Variants in CTAG2 observed in about 807,000 individuals in gnomAD.
CTAG2 encodes CTL-recognized antigen on melanoma.
CTAG2 carries 5 observed loss-of-function variants against 5.7 expected under a neutral mutation model. The ratio of observed to expected loss-of-function variants is 0.88; its 90% CI spans 0.46 to 1.85. The LOEUF (loss-of-function observed/expected upper bound fraction) is 1.85. Among genes scored for constraint, CTAG2 ranks in the 40% most tolerant of loss-of-function variants. CTAG2 has a pLI of 0.01. For synonymous variants in CTAG2, 63 were observed against 80.9 expected, an observed-to-expected ratio of 0.78 and a Z score of 1.19; for missense variants, 151 against 169.9, an observed-to-expected ratio of 0.89 and a Z score of 0.62.
chrX:154,652,266 G>A lies in CTAG2; in HGVS notation c.406C>T (p.Arg136Ter), dbSNP rs781826758. The A allele has an allele frequency of 1.2e-5, 14 of 1,210,757 alleles. No homozygotes were observed. The African/African-American group carries it at 1.6e-4, about 14-fold the overall frequency. ...TGGCGGTGGTCTGCAGCAGTCAGTC[G>A]GCTAAATGTGAGGGGCAGAGAACAT... ...FTVSGNLLFI[R>*]LTAADHRQLQ... is the part of the protein sequence containing the mutation. The change falls in exon 3 of 3, where the codon CGA becomes TGA. Residue 136 changes from arginine (R) to a stop codon, truncating the protein, a stop_gained and splice_region_variant. Transcript: ENST00000369585. LOFTEE classifies it low-confidence loss of function (END_TRUNC).
Position 154,652,611 on chromosome X carries a change from G to A in CTAG2, c.290C>T (p.Ser97Leu). ...GACCAGCTCCGCTTCCATGGGCGACGAGAAAGGCATCGTGATGTGCCTGGT... is the reference window on the plus strand; with the variant it reads ...GACCAGCTCCGCTTCCATGGGCGACAAGAAAGGCATCGTGATGTGCCTGGT... Reference protein sequence around the residue: ...LLELHITMPFSSPMEAELVRR... With the variant: ...LLELHITMPFLSPMEAELVRR... The change falls in exon 2 of 3, where the codon TCG becomes TTG. Residue 97 changes from serine (S) to leucine (L), a missense_variant. Physicochemically the swap from Ser to Leu is moderately radical, Grantham distance 145. This residue lies in a region of CTAG2 where 147 missense variants were observed against 151.0 expected (regional missense o/e 0.97). Coordinates refer to ENST00000369585, the MANE Select transcript of CTAG2 (RefSeq NM_172377.5). The A allele has an allele frequency of 2.5e-6, 3 of 1,201,634 alleles. No homozygotes were observed. The highest frequency in any genetic ancestry group is 3.5e-5 in the African/African-American group (2 of 57,641).
chrX:154,653,076 A>G (rs868920470), intron 1 of CTAG2, among the ~76,000 whole-genome samples, 171 bp downstream of exon 1: 1 of 6,288 alleles, frequency 1.6e-4, no homozygotes, highest in African/African-American at 8.0e-4. Context: ...CCCAGCCCCC[A>G]CCCCCACCCC....
Position 154,653,324 on chromosome X carries a change from C to A in CTAG2, c.192G>T (p.Pro64=). ...CCTGCGCAGAAGCGGCACCGCCATGCGGACCCCGCGGGGCGCCTCCTCTCG... is the reference window on the plus strand; with the variant it reads ...CCTGCGCAGAAGCGGCACCGCCATGAGGACCCCGCGGGGCGCCTCCTCTCG... The part of the protein sequence containing the change: ...SGPRGGAPRG[P]HGGAASAQDG... Residue 64 remains proline, a synonymous_variant, in exon 1 of 3, where the codon CCG becomes CCT. Coordinates refer to ENST00000369585, the MANE Select transcript of CTAG2 (RefSeq NM_172377.5). The A allele has an allele frequency of 8.3e-7, 1 of 1,206,725 alleles. No individual in the cohort carries two copies.
intron 1 of CTAG2, among the ~76,000 whole-genome samples, chrX:154,652,846 C>T (rs1416829005): frequency 9.3e-6 from 1 of 107,404 alleles, no homozygotes; most frequent in Non-Finnish European, 1.9e-5. Context: ...GCCGGGACCT[C>T]TCCCCATCGC....
intron 1 of CTAG2, 97 bp from the exon 2 acceptor site, chrX:154,652,728 C>T: frequency 2.1e-6 from 2 of 959,421 alleles, no homozygotes; most frequent in Non-Finnish European, 2.8e-6. Context: ...CCAGGTCCTG[C>T]AGCAACCCCA....
intron 2 of CTAG2, 39 bp from the exon 3 acceptor site, chrX:154,652,306 C>A: frequency 8.3e-7 from 1 of 1,210,913 alleles, no homozygotes; most frequent in South Asian, 1.8e-5. Context: ...TTAAAGGCGA[C>A]ACCTCTGCAC....
chrX:154,653,203 C>A lies in CTAG2; in HGVS notation c.269+44G>T, dbSNP rs782241248. ...CCTGTTGTCTCCGTCTCACGGCCCC[C>A]ACCTCGCCACCAGAACCTCCTAGAA... On this transcript the variant is annotated intron_variant, in intron 1 of 2. Transcript: ENST00000369585. 4 of 1,186,721 alleles carry A rather than the reference C, an allele frequency of 3.4e-6. No individual in the cohort carries two copies. In the East Asian group the frequency reaches 1.2e-4, roughly 36 times the overall value.
In CTAG2 at chrX:154,653,289, C is replaced by G; in HGVS notation, c.227G>C (p.Cys76Ser). 2 of 1,209,324 alleles carry G rather than the reference C, an allele frequency of 1.7e-6. No homozygotes were observed. Among genetic ancestry groups the G allele is most frequent in the Non-Finnish European group, 2.2e-6 (2 of 894,493 alleles). ...GTCCGGCCTCCTGGCCCCGCAGGGGCACCTTCCATCCTGCGCAGAAGCGGC... is the reference window on the plus strand; with the variant it reads ...GTCCGGCCTCCTGGCCCCGCAGGGGGACCTTCCATCCTGCGCAGAAGCGGC... ...GGAASAQDGR[C>S]PCGARRPDSR... is the part of the protein sequence containing the mutation. Residue 76 changes from cysteine to serine, a missense_variant, in exon 1 of 3, where the codon TGC becomes TCC. Physicochemically the swap from Cys to Ser is moderately radical, Grantham distance 112. Transcript: ENST00000369585.
chrX:154,653,567 A>C lies in CTAG2; in HGVS notation c.-52T>G, dbSNP rs2070176876. 2.3e-6 allele frequency: 2 copies of C among 888,185 alleles called. No homozygotes were observed. Among genetic ancestry groups the C allele is most frequent in the African/African-American group, 4.6e-5 (2 of 43,671 alleles). The allele number at this position is 888,185 out of a possible 1,213,427, so 73.2% of individuals were successfully genotyped here. On this transcript the variant is annotated 5_prime_UTR_variant, in exon 1 of 3. Transcript: ENST00000369585. ...AGAGAGAAGGTCAGGGCCCACGAGGATGCGGAGGCAGAGAGGCTGCAGGAA... is the reference window on the plus strand; with the variant it reads ...AGAGAGAAGGTCAGGGCCCACGAGGCTGCGGAGGCAGAGAGGCTGCAGGAA...
In CTAG2 at chrX:154,653,268, G is replaced by A. The variant is rs1176832152; in HGVS notation, c.248C>T (p.Pro83Leu). 8.3e-7 allele frequency: 1 copy of A among 1,208,806 alleles called. No individual in the cohort carries two copies. The highest frequency in any genetic ancestry group is 1.1e-6 in the Non-Finnish European group (1 of 894,375). ...ATACAACTCAAGCAGGCGGCTGTCC[G>A]GCCTCCTGGCCCCGCAGGGGCACCT... is the stretch of plus-strand genomic sequence containing the variant. ...DGRCPCGARR[P>L]DSRLLELHIT... Residue 83 changes from proline (P) to leucine (L), a missense_variant, in exon 1 of 3, where the codon CCG becomes CTG. By Grantham distance (98) the Pro-to-Leu change is moderately conservative (BLOSUM62 -3). This residue lies in a region of CTAG2 where 147 missense variants were observed against 151.0 expected (regional missense o/e 0.97). Coordinates refer to ENST00000369585, the MANE Select transcript of CTAG2 (RefSeq NM_172377.5).
chrX:154,652,579 T>A lies in CTAG2; in HGVS notation c.322A>T (p.Ile108Phe), dbSNP rs1557241535. ...AGCGGTGCGGCATCCCGGGACAGGA[T>A]CCTGCGGACCAGCTCCGCTTCCATG... ...SPMEAELVRR[I>F]LSRDAAPLPR... The change falls in exon 2 of 3, where the codon ATC becomes TTC. Residue 108 changes from isoleucine (I) to phenylalanine (F), a missense_variant. By Grantham distance (21) the Ile-to-Phe change is conservative (BLOSUM62 0). This residue lies in a region of CTAG2 where 147 missense variants were observed against 151.0 expected (regional missense o/e 0.97). Transcript: ENST00000369585. 3.3e-6 allele frequency: 4 copies of A among 1,209,250 alleles called. No individual in the cohort carries two copies. Among genetic ancestry groups the A allele is most frequent in the African/African-American group, 1.7e-5 (1 of 57,657 alleles).
Position 154,653,224 on chromosome X carries a change from T to TAGAAC in CTAG2, c.269+18_269+22dup, listed in dbSNP as rs781965140. On this transcript the variant is annotated intron_variant, in intron 1 of 2. Transcript: ENST00000369585. Reference sequence around the variant, plus strand: ...CCCCCACCTCGCCACCAGAACCTCCTAGAACAGAACAGAACAGGATACAAC... The same window carrying TAGAAC: ...CCCCCACCTCGCCACCAGAACCTCCTAGAACAGAACAGAACAGAACAGGATACAAC... 5.2e-5 allele frequency: 62 copies of TAGAAC among 1,197,324 alleles called. No homozygotes were observed. In the Admixed American group the frequency reaches 7.2e-4, roughly 14 times the overall value.
chrX:154,653,219 C>A, intron 1 of CTAG2, 28 bp downstream of exon 1: 2 of 1,191,825 alleles, frequency 1.7e-6, no homozygotes, highest in Admixed American at 2.3e-5. Context: ...GCCACCAGAA[C>A]CTCCTAGAAC....
Position 154,652,070 on chromosome X carries a change from G to C in CTAG2, c.*59C>G. On this transcript the variant is annotated 3_prime_UTR_variant, in exon 3 of 3. Transcript: ENST00000369585. ...GGCCCCCACAATGAACTGGCCACTC[G>C]TGCTGGGACCATTCCCTAGGGGAGG... 1 of 1,187,415 alleles carries C rather than the reference G, an allele frequency of 8.4e-7. No individual in the cohort carries two copies.
chrX:154,652,993 C>T (rs2070167033), intron 1 of CTAG2, among the ~76,000 whole-genome samples: 1 of 105,945 alleles, frequency 9.4e-6, no homozygotes. Context: ...CGCCCAGCAC[C>T]CAACTGTGCA....
intron 1 of CTAG2, among the ~76,000 whole-genome samples, 156 bp downstream of exon 1, chrX:154,653,091 G>A (rs868922993): frequency 1.8e-4 from 1 of 5,462 alleles, no homozygotes; most frequent in Non-Finnish European, 3.6e-4. Flanking sequence ...CACCCCACCC[G>A]GCGCCTTACC....
At chrX:154,653,190 G>A (rs1403367702) in intron 1 of CTAG2, 57 bp downstream of exon 1, 30 of 1,161,560 alleles carry the variant, frequency 2.6e-5, no homozygotes, top group African/African-American at 9.4e-5. Context: ...TGTTGTCTCC[G>A]TCTCACGGCC....
rs2070153727 is a variant in CTAG2, at chrX:154,652,012, T to C, written c.*117A>G. The C allele has an allele frequency of 9.2e-6, 10 of 1,085,270 alleles. No individual in the cohort carries two copies. The highest frequency in any genetic ancestry group is 3.6e-4 in the Middle Eastern group (1 of 2,744). 89.4% of individuals were successfully genotyped at this position (1,085,270 alleles called of 1,213,427 possible). The stretch of plus-strand genomic sequence containing the variant: ...GCTTTATTTTCTACAGAAACAAACA[T>C]GTAAGCCGTCCTCCTCCAGCGACAA... On this transcript the variant is annotated 3_prime_UTR_variant, in exon 3 of 3. Transcript: ENST00000369585.
chrX:154,652,280 G>C lies in CTAG2; in HGVS notation c.405-13C>G. 8.3e-7 allele frequency: 1 copy of C among 1,211,164 alleles called. No homozygotes were observed. On this transcript the variant is annotated splice_polypyrimidine_tract_variant and intron_variant, in intron 2 of 2. Coordinates refer to ENST00000369585, the MANE Select transcript of CTAG2 (RefSeq NM_172377.5). The stretch of plus-strand genomic sequence containing the variant: ...AGCAGTCAGTCGGCTAAATGTGAGG[G>C]GCAGAGAACATCACATTAAAGGCGA...
Sources: gnomAD v4.1 joint callset for allele counts (sites outside exome capture counted in the v4.1 genomes callset) on GRCh38, gnomAD v4.1.1 for gene constraint, gnomAD v4.1.1 regional missense constraint, MANE v1.5 for transcripts, NCBI Gene and HGNC (gene_info 2026-07-23, HGNC 2026-07-21) for gene names.